MFHAS1: variants seen among roughly 807,000 people sequenced by gnomAD.
MFHAS1 encodes multifunctional ROCO family signaling regulator 1.
In MFHAS1, 50 loss-of-function variants were observed where a neutral mutation model predicts 70.4. That is an observed-to-expected ratio of 0.71 (90% confidence interval 0.57 to 0.90). The LOEUF is 0.90. Ranked by LOEUF, MFHAS1 falls within the 40% of genes least tolerant of loss-of-function variation. The pLI is 0.00. For missense variants in MFHAS1, 1,795 were observed against 1,347.6 expected (o/e 1.33, Z -5.20); for synonymous variants, 952 against 620.0 (o/e 1.54, Z -7.96).
chr8:8,876,088 G>A (rs953038202), intron 1 of MFHAS1, among the ~76,000 whole-genome samples: 3 of 152,110 alleles, frequency 2.0e-5, no homozygotes, highest in African/African-American at 7.2e-5. Flanking sequence ...GCTCTTGCCA[G>A]GTGTCAAGCA....
At chr8:8,888,059 T>C (rs1421487323) in intron 1 of MFHAS1, among the ~76,000 whole-genome samples, 2 of 152,178 alleles carry the variant, frequency 1.3e-5, no homozygotes, top group African/African-American at 4.8e-5. Flanking sequence ...CTTTATTCCA[T>C]TTGGTATCAC....
chr8:8,785,095 G>A lies in MFHAS1; in HGVS notation c.*927C>T, dbSNP rs1285634124. The stretch of plus-strand genomic sequence containing the variant: ...CTAAGTAAGGTACTTATTAAGCAGA[G>A]CACTTTGTAAGATTCAGAACTGACT... On this transcript the variant is annotated 3_prime_UTR_variant, in exon 3 of 3. Transcript: ENST00000276282. 6.6e-6 allele frequency: 1 copy of A among 152,194 alleles called. No homozygotes were observed. The highest frequency in any genetic ancestry group is 2.4e-5 in the African/African-American group (1 of 41,452). 9.4% of individuals were successfully genotyped at this position (152,194 alleles called of 1,614,324 possible).
rs1398343815 is a variant in MFHAS1, at chr8:8,784,976, G to A, written c.*1046C>T. The stretch of plus-strand genomic sequence containing the variant: ...ATTATGCTCTCCAGTGAATGTAACT[G>A]GAGCCTAAATTCACAACCTTAAGAT... On this transcript the variant is annotated 3_prime_UTR_variant, in exon 3 of 3. Transcript: ENST00000276282. 6.6e-6 allele frequency: 1 copy of A among 152,096 alleles called. No homozygotes were observed. Among genetic ancestry groups the A allele is most frequent in the Non-Finnish European group, 1.5e-5 (1 of 68,014 alleles). 9.4% of individuals were successfully genotyped at this position (152,096 alleles called of 1,614,324 possible).
intron 1 of MFHAS1, among the ~76,000 whole-genome samples, chr8:8,866,313 T>G (rs182255831): frequency 6.7e-6 from 1 of 148,534 alleles, no homozygotes; most frequent in African/African-American, 2.4e-5. Context: ...GATCACTTCT[T>G]TTTTGTTTTT....
At position 8,819,813 on chromosome 8, in the gene MFHAS1, C is replaced by CTCAGCCTCCT. The variant is rs544066680; in HGVS notation, c.2999-22323_2999-22322insAGGAGGCTGA. Reference sequence around the variant, plus strand: ...TCCCAGGCTCAAGCAATCCTTCTGCCTCAGCCTCCCGAGTTTCTGAGACCA... The same window carrying CTCAGCCTCCT: ...TCCCAGGCTCAAGCAATCCTTCTGCCTCAGCCTCCTTCAGCCTCCCGAGTTTCTGAGACCA... On this transcript the variant is annotated intron_variant, in intron 1 of 2. Coordinates refer to ENST00000276282, the MANE Select transcript of MFHAS1 (RefSeq NM_004225.3). Among the ~76,000 whole-genome samples, 11 of 152,188 alleles carry CTCAGCCTCCT rather than the reference C, an allele frequency of 7.2e-5. No individual in the cohort carries two copies. In the South Asian group the frequency reaches 2.3e-3, roughly 32 times the overall value.
At position 8,890,356 on chromosome 8, in the gene MFHAS1, C is replaced by A. The variant is rs764112479; in HGVS notation, c.2703G>T (p.Gln901His). 6.2e-7 allele frequency: 1 copy of A among 1,614,106 alleles called. No homozygotes were observed. Among genetic ancestry groups the A allele is most frequent in the Non-Finnish European group, 8.5e-7 (1 of 1,180,050 alleles). The change falls in exon 1 of 3, where the codon CAG becomes CAT. Residue 901 changes from glutamine to histidine, a missense_variant. By Grantham distance (24) the Gln-to-His change is conservative. Coordinates refer to ENST00000276282, the MANE Select transcript of MFHAS1 (RefSeq NM_004225.3). The part of the protein sequence containing the change: ...PLGLFARYSV[Q>H]INSHVVHRSD... ...ACCTGTGCACCACATGGCTGTTGAT[C>A]TGGACACTGTAGCGTGCAAACAACC...
At chr8:8,797,172 A>G (rs995695089) in intron 2 of MFHAS1, among the ~76,000 whole-genome samples, 193 bp downstream of exon 2, 1 of 149,638 alleles carries the variant, frequency 6.7e-6, no homozygotes, top group Non-Finnish European at 1.5e-5. Flanking sequence ...AAAAAATCAC[A>G]AAAAAGAGGA....
Position 8,849,095 on chromosome 8 carries a change from TG to T in MFHAS1, c.2998+40965del, listed in dbSNP as rs1473615518. 7.6e-4 allele frequency among the ~76,000 whole-genome samples: 73 copies of T among 95,906 alleles called. 1 individual carries two copies. Among genetic ancestry groups the T allele is most frequent in the African/African-American group, 2.7e-3 (61 of 22,356 alleles). The allele number at this position is 95,906 out of a possible 152,430, so 62.9% of individuals were successfully genotyped here. On this transcript the variant is annotated intron_variant, in intron 1 of 2. Coordinates refer to ENST00000276282, the MANE Select transcript of MFHAS1 (RefSeq NM_004225.3). ...TTTTTTTTTTTTTTTTTTTTTTTTT[TG>T]GAGACATAGAGTCTAGCTCTGTTGC...
chr8:8,811,357 G>A (rs1806540437), intron 1 of MFHAS1, among the ~76,000 whole-genome samples: 1 of 151,732 alleles, frequency 6.6e-6, no homozygotes, highest in Admixed American at 6.6e-5. Context: ...ACCCAGGCTG[G>A]AGTACAGTGG....
At chr8:8,791,588 A>C (rs1344655423) in intron 2 of MFHAS1, among the ~76,000 whole-genome samples, 1 of 152,186 alleles carries the variant, frequency 6.6e-6, no homozygotes, top group African/African-American at 2.4e-5. Flanking sequence ...TGTCCAGAGA[A>C]GCTCACACTC....
chr8:8,828,751 G>T (rs995990357), intron 1 of MFHAS1, among the ~76,000 whole-genome samples: 1 of 152,174 alleles, frequency 6.6e-6, no homozygotes, highest in South Asian at 2.1e-4. Flanking sequence ...CAGTCCTCAC[G>T]GCGTGCATAG....
intron 2 of MFHAS1, among the ~76,000 whole-genome samples, chr8:8,794,685 T>G (rs996483659): frequency 1.3e-5 from 2 of 150,504 alleles, no homozygotes; most frequent in African/African-American, 5.0e-5. Context: ...TTCCTTCATT[T>G]AGAGTTGAGA....
chr8:8,840,432 G>A (rs1285904357), intron 1 of MFHAS1, among the ~76,000 whole-genome samples: 1 of 148,738 alleles, frequency 6.7e-6, no homozygotes, highest in Non-Finnish European at 1.5e-5. Context: ...ACTCTAGCCT[G>A]GGCCACAGAG....
chr8:8,787,074 G>GTAT (rs201816102), intron 2 of MFHAS1, among the ~76,000 whole-genome samples: 3,325 of 124,920 alleles, frequency 0.027, 117 homozygotes, highest in African/African-American at 0.098. Flanking sequence ...ATCTTACTCA[G>GTAT]TATTATTATT....
intron 1 of MFHAS1, among the ~76,000 whole-genome samples, chr8:8,806,031 A>T (rs1018546954): frequency 6.6e-6 from 1 of 151,790 alleles, no homozygotes; most frequent in Non-Finnish European, 1.5e-5. Context: ...GTTTTGTTTT[A>T]AAAATAATTC....
At chr8:8,871,548 C>G (rs1214758776) in intron 1 of MFHAS1, among the ~76,000 whole-genome samples, 1 of 152,144 alleles carries the variant, frequency 6.6e-6, no homozygotes, top group Non-Finnish European at 1.5e-5. Context: ...ATCACAAACA[C>G]GCAAACAAAG....
chr8:8,839,540 T>G (rs987039180), intron 1 of MFHAS1, among the ~76,000 whole-genome samples: 5 of 152,216 alleles, frequency 3.3e-5, no homozygotes, highest in Non-Finnish European at 5.9e-5. Flanking sequence ...TGTGGGTAAG[T>G]AACCACTTGC....
intron 1 of MFHAS1, among the ~76,000 whole-genome samples, chr8:8,816,495 A>C (rs1220591421): frequency 6.6e-6 from 1 of 152,254 alleles, no homozygotes; most frequent in East Asian, 1.9e-4. Flanking sequence ...GAATCAGGGA[A>C]TCTCATAGAT....
chr8:8,786,279 T>A (rs1343354140), intron 2 of MFHAS1, among the ~76,000 whole-genome samples: 1 of 152,218 alleles, frequency 6.6e-6, no homozygotes, highest in Admixed American at 6.5e-5. Flanking sequence ...GTTGGTGTGT[T>A]AAGCTCAGTT....
Sources: allele counts gnomAD v4.1 joint callset (sites outside exome capture counted in the v4.1 genomes callset), GRCh38; gene constraint gnomAD v4.1.1; transcripts MANE v1.5; gene names NCBI Gene and HGNC (gene_info 2026-07-23, HGNC 2026-07-21).